Variants in OLFML2A observed in about 807,000 individuals in gnomAD.
OLFML2A encodes the protein olfactomedin-like protein 2A.
In OLFML2A, 47 loss-of-function variants were observed where a neutral mutation model predicts 60.9. That is an observed-to-expected ratio of 0.77 (90% CI 0.61 to 0.98). The LOEUF is 0.98. Among genes scored for constraint, OLFML2A ranks in the 50% least tolerant of loss-of-function variants. The probability of loss-of-function intolerance (pLI) is 0.00; values close to 1 mark genes in which losing one functional copy is unlikely to be tolerated. For synonymous variants in OLFML2A, 372 were observed against 375.0 expected, an observed-to-expected ratio of 0.99 and a Z score of 0.09; for missense variants, 922 against 879.8, an observed-to-expected ratio of 1.05 and a Z score of -0.61.
chr9:124,802,026 A>T (rs982345094), intron 5 of OLFML2A, among the ~76,000 whole-genome samples: 1 of 152,100 alleles, frequency 6.6e-6, no homozygotes, highest in Non-Finnish European at 1.5e-5. Flanking sequence ...GAGAAAAAAT[A>T]CCTATGACCA....
At position 124,810,130 on chromosome 9, in the gene OLFML2A, C is replaced by G. The variant is rs777449469; in HGVS notation, c.1677C>G (p.Ser559=). ...VLSRLDPGDL[S]VHRETTWKTR... is the part of the protein sequence containing the mutation. Reference sequence around the variant, plus strand: ...GTCGCTTGGACCCCGGCGATCTCTCCGTGCACCGGGAGACCACGTGGAAGA... The same window carrying G: ...GTCGCTTGGACCCCGGCGATCTCTCGGTGCACCGGGAGACCACGTGGAAGA... Residue 559 remains serine (S), a synonymous_variant, in exon 8 of 8, where the codon TCC becomes TCG. Transcript: ENST00000373580. The G allele has an allele frequency of 1.9e-6, 3 of 1,613,890 alleles. No homozygotes were observed. The highest frequency in any genetic ancestry group is 1.7e-5 in the Admixed American group (1 of 60,024).
chr9:124,814,139 G>A lies in OLFML2A; in HGVS notation c.*3727G>A, dbSNP rs902510628. ...GTAGAGAATGGAGCTCCCGCCTTGC[G>A]GGCAGTGCTAAAGGTGGAGCTGGGG... On this transcript the variant is annotated 3_prime_UTR_variant, in exon 8 of 8. Coordinates refer to ENST00000373580, the MANE Select transcript of OLFML2A (RefSeq NM_182487.4). 2.0e-5 allele frequency: 3 copies of A among 152,256 alleles called. No individual in the cohort carries two copies. The highest frequency in any genetic ancestry group is 1.9e-4 in the East Asian group (1 of 5,196). The allele number at this position is 152,256 out of a possible 1,614,324, so 9.4% of individuals were successfully genotyped here.
Position 124,807,843 on chromosome 9 carries a change from T to C in OLFML2A, c.1231T>C (p.Tyr411His). 6.2e-7 allele frequency: 1 copy of C among 1,613,960 alleles called. No individual in the cohort carries two copies. Among genetic ancestry groups the C allele is most frequent in the South Asian group, 1.1e-5 (1 of 91,092 alleles). The stretch of plus-strand genomic sequence containing the variant: ...GGACCCCCCTGTGAGGCACCACAGC[T>C]ATGGGCGCCACGAGGGAGCCTGGAT... ...AVDPPVRHHS[Y>H]GRHEGAWMKD... The change falls in exon 7 of 8, where the codon TAT becomes CAT. Residue 411 changes from tyrosine to histidine, a missense_variant. Physicochemically the swap from Tyr to His is moderately conservative, Grantham distance 83. Transcript: ENST00000373580.
At chr9:124,803,103 T>A (rs1338010583) in intron 5 of OLFML2A, among the ~76,000 whole-genome samples, 1 of 152,054 alleles carries the variant, frequency 6.6e-6, no homozygotes, top group Non-Finnish European at 1.5e-5. Context: ...GAGACGGGGT[T>A]TCGTCATGTT....
In OLFML2A at chr9:124,779,857, G is replaced by A. The variant is rs1841328904; in HGVS notation, c.90+2497G>A. ...CCCATTCCGTTTTCCCTGGGGTGGA[G>A]GATGAGCCCTTCGGAGGGCCAGCCT... On this transcript the variant is annotated intron_variant, in intron 1 of 7. Transcript: ENST00000373580. The surrounding 1 kb of genome is among the most constrained non-coding windows in gnomAD (Gnocchi z 4.1). 1.3e-5 allele frequency among the ~76,000 whole-genome samples: 2 copies of A among 152,218 alleles called. No individual in the cohort carries two copies. Among genetic ancestry groups the A allele is most frequent in the Non-Finnish European group, 2.9e-5 (2 of 68,048 alleles).
intron 4 of OLFML2A, chr9:124,801,182 T>C (rs1841767955): frequency 4.8e-6 from 5 of 1,037,198 alleles, no homozygotes; most frequent in South Asian, 1.6e-5. Context: ...ACCTATCAGG[T>C]TGGACTTCAA....
chr9:124,799,458 C>T lies in OLFML2A; in HGVS notation c.636C>T (p.Ala212=). The T allele has an allele frequency of 6.2e-7, 1 of 1,605,796 alleles. No homozygotes were observed. The highest frequency in any genetic ancestry group is 8.5e-7 in the Non-Finnish European group (1 of 1,177,158). Residue 212 remains alanine (A), a synonymous_variant, in exon 4 of 8, where the codon GCC becomes GCT. Transcript: ENST00000373580. ...LLQKDAAAAP[A]TPATGTGSKA... is the part of the protein sequence containing the mutation. ...AGAAGGATGCCGCCGCCGCCCCTGC[C>T]ACCCCTGCCACGGGCACTGGTAGCA...
At chr9:124,780,005 C>T (rs1841331798) in intron 1 of OLFML2A, among the ~76,000 whole-genome samples, 1 of 152,240 alleles carries the variant, frequency 6.6e-6, no homozygotes, top group Non-Finnish European at 1.5e-5. Context: ...CAGCTCACCC[C>T]AGGACTCTGT....
intron 6 of OLFML2A, among the ~76,000 whole-genome samples, chr9:124,806,148 T>C (rs1432888133): frequency 6.6e-6 from 1 of 152,008 alleles, no homozygotes; most frequent in Non-Finnish European, 1.5e-5. Flanking sequence ...TTTTTTATCT[T>C]ATAAGAGTTT....
intron 1 of OLFML2A, among the ~76,000 whole-genome samples, chr9:124,780,130 A>G (rs1588876292): frequency 1.3e-5 from 2 of 152,162 alleles, no homozygotes; most frequent in East Asian, 3.9e-4. Flanking sequence ...CGGGGCTGGG[A>G]GGAGGAGGGG....
chr9:124,810,466 A>G lies in OLFML2A; in HGVS notation c.*54A>G. 2.0e-6 allele frequency: 3 copies of G among 1,511,116 alleles called. No individual in the cohort carries two copies. The highest frequency in any genetic ancestry group is 2.7e-6 in the Non-Finnish European group (3 of 1,129,410). 93.6% of individuals were successfully genotyped at this position (1,511,116 alleles called of 1,614,324 possible). A position where few individuals can be genotyped will look rare whatever the true frequency, so the allele number is the denominator to read the frequency against. ...CAGCAGTGCGGGAGGGGCTTTGCAC[A>G]GCAGCTCCTGCAACTGACCCAGTCC... On this transcript the variant is annotated 3_prime_UTR_variant, in exon 8 of 8. Coordinates refer to ENST00000373580, the MANE Select transcript of OLFML2A (RefSeq NM_182487.4).
intron 1 of OLFML2A, among the ~76,000 whole-genome samples, chr9:124,781,949 C>T (rs1256926256): frequency 6.6e-6 from 1 of 152,236 alleles, no homozygotes; most frequent in Non-Finnish European, 1.5e-5. Context: ...TTGCAAATAC[C>T]TGAGTACCTT....
At chr9:124,802,006 A>C (rs1485908001) in intron 5 of OLFML2A, among the ~76,000 whole-genome samples, 9 of 152,120 alleles carry the variant, frequency 5.9e-5, no homozygotes, top group Admixed American at 5.9e-4. Context: ...CACAGATCTC[A>C]CAGTCTAGTG....
chr9:124,785,355 A>C (rs1269440843), intron 1 of OLFML2A, among the ~76,000 whole-genome samples: 1 of 145,272 alleles, frequency 6.9e-6, no homozygotes, highest in African/African-American at 2.6e-5. Flanking sequence ...ATGGACATTC[A>C]CTTCCAAGTC....
At chr9:124,782,812 G>GGTGC (rs1841385892) in intron 1 of OLFML2A, among the ~76,000 whole-genome samples, 1 of 152,188 alleles carries the variant, frequency 6.6e-6, no homozygotes, top group South Asian at 2.1e-4. Context: ...GGCAGCTGCT[G>GGTGC]GTGCGGGTGG....
rs767506545 is a variant in OLFML2A, at chr9:124,799,463, C to A, written c.641C>A (p.Pro214His). The A allele has an allele frequency of 6.9e-6, 11 of 1,604,980 alleles. No individual in the cohort carries two copies. The highest frequency in any genetic ancestry group is 9.3e-6 in the Non-Finnish European group (11 of 1,176,706). ...QKDAAAAPAT[P>H]ATGTGSKAQD... ...GATGCCGCCGCCGCCCCTGCCACCC[C>A]TGCCACGGGCACTGGTAGCAAGGCC... The change falls in exon 4 of 8, where the codon CCT (proline) becomes CAT (histidine). Residue 214 changes from proline to histidine, a missense_variant. Physicochemically the swap from Pro to His is moderately conservative, Grantham distance 77. Coordinates refer to ENST00000373580, the MANE Select transcript of OLFML2A (RefSeq NM_182487.4).
chr9:124,787,298 C>T, intron 2 of OLFML2A, 60 bp downstream of exon 2: 1 of 1,528,598 alleles, frequency 6.5e-7, no homozygotes, highest in Non-Finnish European at 9.0e-7. Flanking sequence ...GCCTGCTGTC[C>T]TGCCAGTGAA....
At position 124,777,444 on chromosome 9, in the gene OLFML2A, A is replaced by T. The variant is rs1349568317; in HGVS notation, c.90+84A>T. ...GTGGCTGGGGTGCGGCCCGGGAGGG[A>T]GCCCGGGGCCAGGGCGGAGGAGCCG... On this transcript the variant is annotated intron_variant, in intron 1 of 7. Transcript: ENST00000373580. The surrounding 1 kb of genome is among the most constrained non-coding windows in gnomAD (Gnocchi z 6.2). 7 of 1,191,260 alleles carry T rather than the reference A, an allele frequency of 5.9e-6. No individual in the cohort carries two copies. Among genetic ancestry groups the T allele is most frequent in the Non-Finnish European group, 7.3e-6 (7 of 956,326 alleles). 73.8% of individuals were successfully genotyped at this position (1,191,260 alleles called of 1,614,324 possible).
Position 124,807,810 on chromosome 9 carries a change from CG to C in OLFML2A, c.1201del (p.Ala401LeufsTer6). 1 of 1,613,394 alleles carries C rather than the reference CG, an allele frequency of 6.2e-7. No individual in the cohort carries two copies. The highest frequency in any genetic ancestry group is 8.5e-7 in the Non-Finnish European group (1 of 1,179,834). ...GREASCEGTL[R>X]AVDPPVRHHS... ...AGAGGCGAGCTGTGAGGGCACCCTC[CG>C]GGCTGTGGACCCCCCTGTGAGGCAC... On this transcript the variant is annotated frameshift_variant, in exon 7 of 8. Coordinates refer to ENST00000373580, the MANE Select transcript of OLFML2A (RefSeq NM_182487.4). LOFTEE classifies it high-confidence loss of function.
Sources: allele counts gnomAD v4.1 joint callset (sites outside exome capture counted in the v4.1 genomes callset), GRCh38; gene constraint gnomAD v4.1.1; non-coding constraint Gnocchi (gnomAD v3.1); transcripts MANE v1.5; gene names NCBI Gene and HGNC (gene_info 2026-07-23, HGNC 2026-07-21).